The following TMEM272 variants were observed in gnomAD, a reference collection of about 807,000 sequenced individuals.
TMEM272 encodes the protein transmembrane protein 272, also known as long intergenic non-protein coding RNA 282.
In TMEM272, 8 loss-of-function variants were observed where a neutral mutation model predicts 3.7. The observed-to-expected ratio is 2.17, with a 90% CI of 1.27 to 3.91. The LOEUF (loss-of-function observed/expected upper bound fraction) is 3.91. Ranked by LOEUF, TMEM272 falls within the 30% of genes most tolerant of loss-of-function variation. The pLI, the probability that TMEM272 is intolerant of heterozygous loss-of-function variation, is 0.00. For synonymous variants in TMEM272, 63 were observed against 39.8 expected, an observed-to-expected ratio of 1.58 and a Z score of -2.20; for missense variants, 166 against 91.5, an observed-to-expected ratio of 1.81 and a Z score of -3.32.
intron 3 of TMEM272, among the ~76,000 whole-genome samples, chr13:51,825,945 C>G (rs917763112): frequency 6.6e-6 from 1 of 151,974 alleles, no homozygotes; most frequent in Non-Finnish European, 1.5e-5. Flanking sequence ...TAGCTAGGTC[C>G]TGTACACAGG....
At chr13:51,897,399 A>T in the TMEM272 span, among the ~76,000 whole-genome samples, 4 of 58,828 alleles carry the variant, frequency 6.8e-5, no homozygotes, top group South Asian at 1.1e-3. Context: ...TTTTTTGTAG[A>T]GATGGAGTCT....
the TMEM272 span, chr13:51,910,088 A>G: frequency 2.7e-6 from 3 of 1,112,624 alleles, no homozygotes; most frequent in Non-Finnish European, 4.1e-6. Flanking sequence ...ATTTTGACTC[A>G]TCTTCTAGAG....
the TMEM272 span, among the ~76,000 whole-genome samples, chr13:51,855,829 A>G: frequency 3.3e-5 from 5 of 152,182 alleles, no homozygotes; most frequent in Non-Finnish European, 5.9e-5. Context: ...TGTTAAGTGA[A>G]AAAGAGAAGA....
At chr13:51,911,573 A>G in the TMEM272 span, among the ~76,000 whole-genome samples, 1 of 152,220 alleles carries the variant, frequency 6.6e-6, no homozygotes, top group African/African-American at 2.4e-5. Context: ...CTCCTTCAGG[A>G]GAGGAACCAA....
At chr13:51,867,296 G>C in the TMEM272 span, among the ~76,000 whole-genome samples, 5 of 152,202 alleles carry the variant, frequency 3.3e-5, no homozygotes, top group African/African-American at 1.2e-4. Context: ...GAAGCAATGT[G>C]AGTGCATGTG....
the TMEM272 span, among the ~76,000 whole-genome samples, chr13:51,868,247 C>T: frequency 2.6e-5 from 4 of 152,138 alleles, no homozygotes; most frequent in East Asian, 7.7e-4. Context: ...CCGTCCAGTG[C>T]GGGAGAGTCA....
the TMEM272 span, among the ~76,000 whole-genome samples, chr13:51,912,922 G>A: frequency 6.6e-6 from 1 of 152,328 alleles, no homozygotes; most frequent in Non-Finnish European, 1.5e-5. Context: ...TTCAGAGTTA[G>A]AAAATTAACA....
chr13:51,876,166 A>G, the TMEM272 span, among the ~76,000 whole-genome samples: 5 of 152,176 alleles, frequency 3.3e-5, no homozygotes, highest in Admixed American at 1.3e-4. Flanking sequence ...ACCAGGAACC[A>G]TTTATCAGTG....
chr13:51,869,914 G>A, the TMEM272 span, among the ~76,000 whole-genome samples: 1 of 152,208 alleles, frequency 6.6e-6, no homozygotes, highest in Non-Finnish European at 1.5e-5. Flanking sequence ...TCTCCTGGTT[G>A]TGCTCATGTA....
intron 1 of TMEM272, 79 bp from the exon 2 acceptor site, chr13:51,838,632 G>A (rs1486542818): frequency 4.3e-6 from 3 of 700,108 alleles, no homozygotes; most frequent in African/African-American, 1.7e-5. Context: ...CTCTGTGCAT[G>A]TCAGTGGTGG....
the TMEM272 span, among the ~76,000 whole-genome samples, chr13:51,922,243 A>G: frequency 1.4e-4 from 21 of 152,172 alleles, no homozygotes; most frequent in African/African-American, 4.8e-4. Flanking sequence ...AGATAAACAC[A>G]GGAAGGGTCA....
At position 51,840,563 on chromosome 13, in the gene TMEM272, C is replaced by T. The variant is rs58680597; in HGVS notation, c.-23-2010G>A. Among the ~76,000 whole-genome samples, 6,273 of 152,206 alleles carry T rather than the reference C, an allele frequency of 0.041. 847 individuals carry two copies. In the East Asian group the frequency reaches 0.52, roughly 13 times the overall value. ...TGAGCACCCAAGGTTTTCTGACCCC[C>T]CAATCCCTGGGAATCCCAAAGGCAG... On this transcript the variant is annotated intron_variant, in intron 1 of 4. Coordinates refer to ENST00000629372, the MANE Select transcript of TMEM272 (RefSeq NM_001351003.2).
the TMEM272 span, among the ~76,000 whole-genome samples, chr13:51,919,472 C>A: frequency 2.6e-5 from 4 of 152,214 alleles, no homozygotes; most frequent in African/African-American, 7.2e-5. Flanking sequence ...TGGTATATAG[C>A]CCCAGACCAT....
At chr13:51,850,968 C>A in the TMEM272 span, among the ~76,000 whole-genome samples, 1 of 152,112 alleles carries the variant, frequency 6.6e-6, no homozygotes, top group Non-Finnish European at 1.5e-5. Context: ...AAGAAGTGTG[C>A]CCTAGGATCA....
Position 51,828,633 on chromosome 13 carries a change from G to A in TMEM272, c.59-2008C>T, listed in dbSNP as rs79506883. ...GCAACTTAACGGCCCCAAGCATCTG[G>A]TTTGACGCTCTTCTGTTGCCATCTT... On this transcript the variant is annotated intron_variant, in intron 2 of 4. Coordinates refer to ENST00000629372, the MANE Select transcript of TMEM272 (RefSeq NM_001351003.2). Among the ~76,000 whole-genome samples, 1,155 of 152,182 alleles carry A rather than the reference G, an allele frequency of 7.6e-3. 11 individuals are homozygous for A. The highest frequency in any genetic ancestry group is 9.1e-3 in the Non-Finnish European group (618 of 68,010).
chr13:51,832,917 G>C (rs1566347133), intron 2 of TMEM272, among the ~76,000 whole-genome samples: 1 of 152,362 alleles, frequency 6.6e-6, no homozygotes, highest in East Asian at 1.9e-4. Context: ...AGGGAGATGA[G>C]ATGTGCACCC....
the TMEM272 span, among the ~76,000 whole-genome samples, chr13:51,916,667 T>C: frequency 6.6e-6 from 1 of 152,234 alleles, no homozygotes; most frequent in East Asian, 1.9e-4. Context: ...GGGGCGCCAT[T>C]GGCCCAGAGC....
the TMEM272 span, among the ~76,000 whole-genome samples, chr13:51,879,390 C>T: frequency 1.3e-5 from 2 of 152,180 alleles, no homozygotes; most frequent in East Asian, 3.9e-4. Context: ...TCTTAAGTAA[C>T]AGTAACTCAA....
At chr13:51,821,340 TG>T (rs1253223024) in intron 4 of TMEM272, among the ~76,000 whole-genome samples, 1 of 152,254 alleles carries the variant, frequency 6.6e-6, no homozygotes, top group East Asian at 1.9e-4. Context: ...TCTTGGTAGG[TG>T]TAACATTTCT....
Sources: allele counts gnomAD v4.1 joint callset (sites outside exome capture counted in the v4.1 genomes callset), GRCh38; gene constraint gnomAD v4.1.1; transcripts MANE v1.5; gene names NCBI Gene and HGNC (gene_info 2026-07-23, HGNC 2026-07-21).